The following TAF4B variants were observed in gnomAD, a reference collection of about 807,000 sequenced individuals.
TAF4B encodes the protein TATA-box binding protein associated factor 4b.
A neutral mutation model predicts 86.4 loss-of-function variants in TAF4B; 38 were observed. That is an observed-to-expected ratio of 0.44 (90% CI 0.34 to 0.58). The LOEUF (loss-of-function observed/expected upper bound fraction) is 0.58. Among genes scored for constraint, TAF4B ranks in the 20% least tolerant of loss-of-function variants. The pLI is 0.02. For synonymous variants in TAF4B, 388 were observed against 391.2 expected (o/e 0.99, Z 0.10); for missense variants, 988 against 1,027.6 (o/e 0.96, Z 0.53).
rs372886681 is a variant in TAF4B, at chr18:26,285,932, C to T, written c.1023C>T (p.Ile341=). The T allele has an allele frequency of 1.9e-5, 30 of 1,614,012 alleles. No individual in the cohort carries two copies. In the African/African-American group the frequency reaches 4.0e-4, roughly 22 times the overall value. ...RQLLPNSQSF[I]QQCVQQTSSD... is the part of the protein sequence containing the mutation. The stretch of plus-strand genomic sequence containing the variant: ...TTCTGCCTAACTCCCAGAGCTTCAT[C>T]CAGCAATGTGTTCAGCAGACTTCTA... The change falls in exon 7 of 15, where the codon ATC becomes ATT. Residue 341 remains isoleucine (I), a synonymous_variant. Transcript: ENST00000269142.
intron 14 of TAF4B, among the ~76,000 whole-genome samples, chr18:26,372,886 G>A (rs2057415973): frequency 6.6e-6 from 1 of 150,898 alleles, no homozygotes; most frequent in African/African-American, 2.4e-5. Context: ...GGAGAATGGC[G>A]TGAACTTGGG....
intron 1 of TAF4B, among the ~76,000 whole-genome samples, chr18:26,255,029 T>G (rs919903021): frequency 1.1e-4 from 16 of 152,088 alleles, no homozygotes; most frequent in Admixed American, 1.3e-4. Context: ...ACAAACTTAC[T>G]ATCATGAGGG....
At chr18:26,271,430 C>G (rs1047310893) in intron 3 of TAF4B, among the ~76,000 whole-genome samples, 7 of 152,168 alleles carry the variant, frequency 4.6e-5, no homozygotes, top group African/African-American at 1.7e-4. Flanking sequence ...CCTTGAAATG[C>G]TATTTCATCT....
chr18:26,321,420 T>G (rs2056961732), intron 11 of TAF4B, among the ~76,000 whole-genome samples: 1 of 152,174 alleles, frequency 6.6e-6, no homozygotes, highest in Non-Finnish European at 1.5e-5. Flanking sequence ...CACTGTAGAT[T>G]GAAATATGTA....
At chr18:26,237,595 A>G (rs1288822872) in intron 1 of TAF4B, among the ~76,000 whole-genome samples, 4 of 152,118 alleles carry the variant, frequency 2.6e-5, no homozygotes, top group Admixed American at 1.3e-4. Context: ...AAGCTAGGAT[A>G]TGGAGGTAAG....
Position 26,376,519 on chromosome 18 carries a change from ATT to A in TAF4B, c.2422-13314_2422-13313del, listed in dbSNP as rs201177269. Among the ~76,000 whole-genome samples the A allele has an allele frequency of 3.1e-3, 452 of 146,830 alleles. 2 individuals are homozygous for A. The highest frequency in any genetic ancestry group is 0.011 in the African/African-American group (423 of 39,830). ...AACTACTATGTAGTTTTGTACATTG[ATT>A]TTTTTTTTTTTATCCTGCAGCCTTG... On this transcript the variant is annotated intron_variant, in intron 14 of 14. Coordinates refer to ENST00000269142, the MANE Select transcript of TAF4B (RefSeq NM_005640.3).
intron 7 of TAF4B, among the ~76,000 whole-genome samples, chr18:26,291,336 C>T (rs1194834286): frequency 6.6e-6 from 1 of 151,986 alleles, no homozygotes; most frequent in African/African-American, 2.4e-5. Context: ...TCTCAGCTCA[C>T]TGCAGCCTCC....
chr18:26,313,491 C>T lies in TAF4B; in HGVS notation c.1833-1738C>T, dbSNP rs567964083. Among the ~76,000 whole-genome samples, 167 of 152,140 alleles carry T rather than the reference C, an allele frequency of 1.1e-3. 1 individual carries two copies. The South Asian group carries it at 0.013, about 12-fold the overall frequency. On this transcript the variant is annotated intron_variant, in intron 9 of 14. Transcript: ENST00000269142. ...CATGTCTCTGAGGATACCTTTGTGACGTTTCTTTGCTCTGCATATTTCATT... is the reference window on the plus strand; with the variant it reads ...CATGTCTCTGAGGATACCTTTGTGATGTTTCTTTGCTCTGCATATTTCATT...
At chr18:26,312,789 C>T (rs1347333927) in intron 9 of TAF4B, among the ~76,000 whole-genome samples, 3 of 152,062 alleles carry the variant, frequency 2.0e-5, no homozygotes, top group African/African-American at 4.8e-5. Flanking sequence ...GTGGAGTTAC[C>T]CGCACGTTAA....
At chr18:26,335,787 C>T (rs1445662176) in intron 13 of TAF4B, among the ~76,000 whole-genome samples, 4 of 152,136 alleles carry the variant, frequency 2.6e-5, no homozygotes, top group African/African-American at 9.7e-5. Context: ...TCCCAGAGGC[C>T]TCTGCATAGC....
At chr18:26,317,665 T>C (rs1205041631) in intron 10 of TAF4B, among the ~76,000 whole-genome samples, 1 of 152,204 alleles carries the variant, frequency 6.6e-6, no homozygotes, top group Non-Finnish European at 1.5e-5. Flanking sequence ...CCATTTGAGA[T>C]CAGGGTGCCA....
At chr18:26,292,840 T>C (rs1172820397) in intron 8 of TAF4B, among the ~76,000 whole-genome samples, 2 of 152,174 alleles carry the variant, frequency 1.3e-5, no homozygotes, top group East Asian at 3.8e-4. Context: ...ATCACATTTC[T>C]TTTTACATAC....
intron 6 of TAF4B, among the ~76,000 whole-genome samples, chr18:26,282,700 C>G (rs1432934154): frequency 6.6e-6 from 1 of 152,198 alleles, no homozygotes; most frequent in Non-Finnish European, 1.5e-5. Flanking sequence ...TTCTTCCCTT[C>G]ACAAAAGACT....
chr18:26,346,773 A>ATATATATATATATATATATATG (rs1404902479), intron 13 of TAF4B, among the ~76,000 whole-genome samples: 1 of 24,108 alleles, frequency 4.1e-5, no homozygotes, highest in African/African-American at 1.1e-4. Context: ...ATATATATAT[A>ATATATATATATATATATATATG]TGTGTGTGTA....
chr18:26,249,306 C>T (rs2055968925), intron 1 of TAF4B, among the ~76,000 whole-genome samples: 2 of 152,116 alleles, frequency 1.3e-5, no homozygotes, highest in East Asian at 1.9e-4. Flanking sequence ...TGGCAAAACT[C>T]GGTCTCTACT....
Position 26,389,705 on chromosome 18 carries a change from G to A in TAF4B, c.2422-140G>A, listed in dbSNP as rs555151368. The A allele has an allele frequency of 2.6e-5, 22 of 837,302 alleles. No homozygotes were observed. In the South Asian group the frequency reaches 4.0e-4, roughly 15 times the overall value. 51.9% of individuals were successfully genotyped at this position (837,302 alleles called of 1,614,324 possible). On this transcript the variant is annotated intron_variant, in intron 14 of 14. Transcript: ENST00000269142. ...TTGAGATTGGCTGCTGGAGGACAGG[G>A]TTAGGTCTTCATCATTACATTATCT...
intron 13 of TAF4B, among the ~76,000 whole-genome samples, chr18:26,346,386 C>T (rs1013504296): frequency 7.4e-6 from 1 of 135,482 alleles, no homozygotes; most frequent in Non-Finnish European, 1.5e-5. Flanking sequence ...CAAATATTCA[C>T]ATTATGGGCA....
intron 1 of TAF4B, among the ~76,000 whole-genome samples, chr18:26,264,958 G>A (rs1308308491): frequency 5.3e-5 from 8 of 152,176 alleles, no homozygotes; most frequent in African/African-American, 1.9e-4. Context: ...GCTTTCTTCA[G>A]GAGCATCTCA....
chr18:26,230,175 A>G (rs984464267), intron 1 of TAF4B, among the ~76,000 whole-genome samples: 2 of 152,168 alleles, frequency 1.3e-5, no homozygotes, highest in Admixed American at 1.3e-4. Flanking sequence ...CATCTTGTCT[A>G]TCACCTGTTT....
Sources: allele counts gnomAD v4.1 joint callset (sites outside exome capture counted in the v4.1 genomes callset), GRCh38; gene constraint gnomAD v4.1.1; transcripts MANE v1.5; gene names NCBI Gene and HGNC (gene_info 2026-07-23, HGNC 2026-07-21).